Variants in SCAF4 observed in about 807,000 individuals in gnomAD.
SCAF4 encodes the protein SR-related and CTD-associated factor 4.
A neutral mutation model predicts 129.8 loss-of-function variants in SCAF4; 25 were observed. The observed-to-expected ratio is 0.19, with a 90% CI of 0.14 to 0.27. The LOEUF (loss-of-function observed/expected upper bound fraction) is 0.27, where lower values mean the gene tolerates loss of function less well. SCAF4 is among the 10% of genes least tolerant of loss of function. SCAF4 has a pLI of 1.00. For missense variants in SCAF4, 1,246 were observed against 1,457.1 expected, an observed-to-expected ratio of 0.86 and a Z score of 2.36; for synonymous variants, 551 against 497.7, an observed-to-expected ratio of 1.11 and a Z score of -1.43.
At chr21:31,715,994 TAA>T (rs1761666769) in intron 1 of SCAF4, among the ~76,000 whole-genome samples, 1 of 152,154 alleles carries the variant, frequency 6.6e-6, no homozygotes, top group South Asian at 2.1e-4. Flanking sequence ...CTAAAATTAA[TAA>T]AAACTGGCAG....
intron 19 of SCAF4, among the ~76,000 whole-genome samples, chr21:31,681,621 T>C (rs1293765176): frequency 6.6e-6 from 1 of 152,224 alleles, no homozygotes; most frequent in East Asian, 1.9e-4. Flanking sequence ...ACCACCACTG[T>C]AGCTATTTGG....
chr21:31,700,970 G>C (rs201817005), intron 7 of SCAF4, 25 bp downstream of exon 7: 3 of 1,608,256 alleles, frequency 1.9e-6, no homozygotes, highest in Admixed American at 3.3e-5. Context: ...TAAATGGTGG[G>C]GTGGGTTATG....
chr21:31,699,148 CCA>C (rs1370384364), intron 7 of SCAF4, among the ~76,000 whole-genome samples: 1 of 151,894 alleles, frequency 6.6e-6, no homozygotes, highest in Non-Finnish European at 1.5e-5. Flanking sequence ...AGAACAGTGT[CCA>C]GAGATAAGAC....
intron 1 of SCAF4, among the ~76,000 whole-genome samples, chr21:31,731,329 C>T (rs2051350545): frequency 6.6e-6 from 1 of 152,192 alleles, no homozygotes; most frequent in African/African-American, 2.4e-5. Flanking sequence ...ACGGGGCTCG[C>T]GGAGCAGAGA....
chr21:31,703,172 CTCTT>C (rs1271759588), intron 4 of SCAF4, among the ~76,000 whole-genome samples: 2 of 146,198 alleles, frequency 1.4e-5, no homozygotes, highest in African/African-American at 5.3e-5. Context: ...CTATTATTGG[CTCTT>C]TCTTTCTGGA....
intron 1 of SCAF4, among the ~76,000 whole-genome samples, chr21:31,728,621 G>T (rs1041192323): frequency 1.3e-5 from 2 of 152,056 alleles, no homozygotes; most frequent in African/African-American, 4.8e-5. Flanking sequence ...GTCTATGCAG[G>T]GTTGTGGGAA....
At chr21:31,703,645 C>T (rs180989898) in intron 4 of SCAF4, 120 bp downstream of exon 4, 53 of 544,310 alleles carry the variant, frequency 9.7e-5, no homozygotes, top group African/African-American at 8.0e-4. Context: ...TTGTTTCAAG[C>T]TCACAGACAT....
chr21:31,680,454 CATT>C (rs2049970005), intron 19 of SCAF4, among the ~76,000 whole-genome samples: 1 of 152,150 alleles, frequency 6.6e-6, no homozygotes, highest in African/African-American at 2.4e-5. Flanking sequence ...AGTGGAATAA[CATT>C]AATACAATAA....
intron 19 of SCAF4, among the ~76,000 whole-genome samples, chr21:31,675,338 G>A (rs1009656108): frequency 1.3e-5 from 2 of 152,176 alleles, no homozygotes; most frequent in African/African-American, 2.4e-5. Flanking sequence ...CTTCTGGCAA[G>A]TAGTGTATAG....
intron 19 of SCAF4, 36 bp from the exon 20 acceptor site, chr21:31,672,390 C>T (rs765567804): frequency 4.1e-6 from 6 of 1,459,322 alleles, no homozygotes; most frequent in Admixed American, 1.7e-5. Flanking sequence ...TAAACACCAC[C>T]GAAGATGGCA....
Position 31,693,377 on chromosome 21 carries a change from C to T in SCAF4, c.1430G>A (p.Arg477Gln), listed in dbSNP as rs753270057. Reference protein sequence around the residue: ...RDRRRHSPRSRSQERRDREKE... With the variant: ...RDRRRHSPRSQSQERRDREKE... ...TTCTCGATCCCGTCTTTCTTGAGAT[C>T]GAGATCGGGGAGAATGTCGGCGTCT... Residue 477 changes from arginine to glutamine, a missense_variant, in exon 12 of 20, where the codon CGA becomes CAA. By Grantham distance (43) the Arg-to-Gln change is conservative. Coordinates refer to ENST00000286835, the MANE Select transcript of SCAF4 (RefSeq NM_020706.2). The T allele has an allele frequency of 1.9e-6, 3 of 1,577,744 alleles. No individual in the cohort carries two copies. Among genetic ancestry groups the T allele is most frequent in the Non-Finnish European group, 1.7e-6 (2 of 1,154,086 alleles).
chr21:31,681,959 C>T (rs1360445932), intron 19 of SCAF4, among the ~76,000 whole-genome samples: 1 of 152,092 alleles, frequency 6.6e-6, no homozygotes, highest in Non-Finnish European at 1.5e-5. Context: ...GATCCAAGAA[C>T]TCAGTTAAGT....
At chr21:31,686,215 AAG>A (rs2050119956) in intron 16 of SCAF4, among the ~76,000 whole-genome samples, 4 of 133,562 alleles carry the variant, frequency 3.0e-5, no homozygotes, top group Non-Finnish European at 6.0e-5. Flanking sequence ...AAAAAAAAAA[AAG>A]AAAAAAAAAA....
At position 31,694,325 on chromosome 21, in the gene SCAF4, T is replaced by C. The variant is rs765733065; in HGVS notation, c.1237-36A>G. ...AAAAACCATGATAAAATGAGAAATT[T>C]AAAAAGTATAAAAGCAAGAGGACAA... On this transcript the variant is annotated intron_variant, in intron 10 of 19. Coordinates refer to ENST00000286835, the MANE Select transcript of SCAF4 (RefSeq NM_020706.2). The C allele has an allele frequency of 9.3e-6, 12 of 1,289,378 alleles. No individual in the cohort carries two copies. The Admixed American group carries it at 1.9e-4, about 21-fold the overall frequency. 79.9% of individuals were successfully genotyped at this position (1,289,378 alleles called of 1,614,324 possible).
rs144163998 is a variant in SCAF4, at chr21:31,700,730, CCTAA to C, written c.777+261_777+264del. ...GAAGAATTTTCTGTTTCCTTTACTC[CCTAA>C]CTTTTTCTTTTTTTTTTTTTTTTCA... On this transcript the variant is annotated intron_variant, in intron 7 of 19. Transcript: ENST00000286835. The C allele has an allele frequency of 1.5e-3, 676 of 445,282 alleles. 3 individuals carry two copies. Among genetic ancestry groups the C allele is most frequent in the Non-Finnish European group, 2.1e-3 (518 of 248,284 alleles). The allele number at this position is 445,282 out of a possible 1,614,324, so 27.6% of individuals were successfully genotyped here.
At chr21:31,726,062 T>C (rs2123694349) in intron 1 of SCAF4, among the ~76,000 whole-genome samples, 1 of 151,992 alleles carries the variant, frequency 6.6e-6, no homozygotes, top group East Asian at 1.9e-4. Context: ...TTTTTTTTTT[T>C]TGAGATAGAG....
intron 1 of SCAF4, 118 bp downstream of exon 1, chr21:31,731,545 G>A (rs1029522985): frequency 2.2e-5 from 28 of 1,258,692 alleles, no homozygotes; most frequent in South Asian, 1.3e-5. Flanking sequence ...CCGCCGCCCC[G>A]GAACCGGGGC....
intron 16 of SCAF4, 141 bp from the exon 17 acceptor site, chr21:31,685,874 T>C (rs1286367411): frequency 3.8e-6 from 3 of 783,738 alleles, no homozygotes; most frequent in Non-Finnish European, 5.9e-6. Context: ...AAATAACAGG[T>C]GGTAGTTAAC....
intron 1 of SCAF4, among the ~76,000 whole-genome samples, chr21:31,727,525 T>C (rs1279752455): frequency 6.6e-6 from 1 of 152,198 alleles, no homozygotes; most frequent in Non-Finnish European, 1.5e-5. Flanking sequence ...CTGGGCGCAG[T>C]GGCTCACACG....
Sources: allele counts gnomAD v4.1 joint callset (sites outside exome capture counted in the v4.1 genomes callset), GRCh38; gene constraint gnomAD v4.1.1; transcripts MANE v1.5; gene names NCBI Gene and HGNC (gene_info 2026-07-23, HGNC 2026-07-21).